The following CDH1 variants were observed in gnomAD, a reference collection of about 807,000 sequenced individuals.
CDH1 encodes cadherin-1.
CDH1 carries 35 observed loss-of-function variants against 84.5 expected under a neutral mutation model. The ratio of observed to expected loss-of-function variants is 0.41; its 90% CI spans 0.32 to 0.55. The LOEUF (loss-of-function observed/expected upper bound fraction) is 0.55, where lower values mean the gene tolerates loss of function less well. Ranked by LOEUF, CDH1 falls within the 20% of genes least tolerant of loss-of-function variation. The pLI, the probability that CDH1 is intolerant of heterozygous loss-of-function variation, is 0.19. For synonymous variants in CDH1, 417 were observed against 439.0 expected (o/e 0.95, Z 0.63); for missense variants, 994 against 1,126.6 (o/e 0.88, Z 1.68).
chr16:68,787,526 T>C (rs2152123069), intron 2 of CDH1, among the ~76,000 whole-genome samples: 1 of 152,110 alleles, frequency 6.6e-6, no homozygotes, highest in South Asian at 2.1e-4. Context: ...TTTTTTTAAA[T>C]AGAGATGGGA....
intron 13 of CDH1, 32 bp from the exon 14 acceptor site, chr16:68,828,142 C>A (rs774906969): frequency 6.2e-7 from 1 of 1,612,986 alleles, no homozygotes; most frequent in South Asian, 1.1e-5. Context: ...CTTTGGCTCT[C>A]AACACTTGCT....
intron 2 of CDH1, among the ~76,000 whole-genome samples, chr16:68,751,264 G>A (rs1402988848): frequency 6.6e-6 from 1 of 152,136 alleles, no homozygotes; most frequent in Non-Finnish European, 1.5e-5. Context: ...TTTGACTCAT[G>A]TACCTGGGGT....
intron 12 of CDH1, chr16:68,822,614 A>G (rs754538647): frequency 6.8e-4 from 302 of 443,688 alleles, no homozygotes; most frequent in Non-Finnish European, 1.2e-3. Context: ...GAACTATTCT[A>G]CCGAGGTGGA....
chr16:68,789,697 A>G (rs548686046), intron 2 of CDH1, among the ~76,000 whole-genome samples: 2 of 152,286 alleles, frequency 1.3e-5, no homozygotes, highest in Non-Finnish European at 2.9e-5. Context: ...CTTAGTTGCT[A>G]CTGCCCCAGC....
rs867786949 is a variant in CDH1 at position 68,745,613 on chromosome 16, A to G, written c.163+7202A>G. On this transcript the variant is annotated intron_variant, in intron 2 of 15. Transcript: ENST00000261769. ...TATGTGTATATATATGTATGTGTAT[A>G]TATATATATATATGTATATATATTT... Among the ~76,000 whole-genome samples the G allele has an allele frequency of 9.2e-3, 1,211 of 131,368 alleles. 27 individuals carry two copies. Among genetic ancestry groups the G allele is most frequent in the African/African-American group, 0.039 (1,137 of 29,462 alleles). The allele number at this position is 131,368 out of a possible 152,430, so 86.2% of individuals were successfully genotyped here.
intron 2 of CDH1, among the ~76,000 whole-genome samples, chr16:68,792,075 C>G (rs1197225212): frequency 6.6e-6 from 1 of 151,702 alleles, no homozygotes; most frequent in Non-Finnish European, 1.5e-5. Flanking sequence ...TGCCCACCAC[C>G]ATGCCCAGCT....
chr16:68,776,423 G>A (rs1024718471), intron 2 of CDH1, among the ~76,000 whole-genome samples: 1 of 152,152 alleles, frequency 6.6e-6, no homozygotes, highest in Non-Finnish European at 1.5e-5. Context: ...TGCACAGCAG[G>A]AGTCCAATAT....
intron 13 of CDH1, among the ~76,000 whole-genome samples, chr16:68,827,092 G>A (rs1351028095): frequency 6.6e-6 from 1 of 152,092 alleles, no homozygotes; most frequent in Non-Finnish European, 1.5e-5. Context: ...GCAACATAGT[G>A]AAACCCTGTC....
intron 2 of CDH1, among the ~76,000 whole-genome samples, chr16:68,796,228 C>T (rs1012094627): frequency 2.0e-5 from 3 of 152,038 alleles, no homozygotes; most frequent in Non-Finnish European, 4.4e-5. Context: ...GAAATGTGTT[C>T]TGATGAGAGG....
At chr16:68,740,965 A>G (rs1962547954) in intron 2 of CDH1, among the ~76,000 whole-genome samples, 1 of 151,776 alleles carries the variant, frequency 6.6e-6, no homozygotes, top group Non-Finnish European at 1.5e-5. Flanking sequence ...ACAAAGAAAA[A>G]AGGTGTTTGG....
Position 68,834,564 on chromosome 16 carries a change from C to T in CDH1, c.*1065C>T, listed in dbSNP as rs1961588705. 4.0e-6 allele frequency: 1 copy of T among 253,098 alleles called. No homozygotes were observed. Among genetic ancestry groups the T allele is most frequent in the South Asian group, 1.0e-4 (1 of 9,934 alleles). 15.7% of individuals were successfully genotyped at this position (253,098 alleles called of 1,614,324 possible). A position where few individuals can be genotyped will look rare whatever the true frequency, so the allele number is the denominator to read the frequency against. ...CACTCCTGAATTCAGTTGCTTTGCC[C>T]AAGATAGGAGTTCTCTGATGCAGAA... On this transcript the variant is annotated 3_prime_UTR_variant, in exon 16 of 16. Transcript: ENST00000261769.
At chr16:68,786,659 A>T (rs1960060332) in intron 2 of CDH1, among the ~76,000 whole-genome samples, 1 of 149,384 alleles carries the variant, frequency 6.7e-6, no homozygotes, top group Admixed American at 6.8e-5. Context: ...GCCAGAGTAG[A>T]TTCAGCAAAT....
At chr16:68,821,756 G>A (rs1961149508) in intron 11 of CDH1, among the ~76,000 whole-genome samples, 1 of 152,164 alleles carries the variant, frequency 6.6e-6, no homozygotes, top group African/African-American at 2.4e-5. Flanking sequence ...TTCTTGGTGT[G>A]AGGAATAACT....
At chr16:68,812,766 G>T (rs1241510740) in intron 8 of CDH1, among the ~76,000 whole-genome samples, 2 of 152,180 alleles carry the variant, frequency 1.3e-5, no homozygotes, top group African/African-American at 4.8e-5. Flanking sequence ...TAATGGCCAG[G>T]CGTGGTGGCT....
chr16:68,747,103 C>T (rs934841320), intron 2 of CDH1, among the ~76,000 whole-genome samples: 10 of 152,158 alleles, frequency 6.6e-5, no homozygotes, highest in African/African-American at 1.2e-4. Flanking sequence ...CAGGTAATTC[C>T]AGTAGGCTCC....
intron 15 of CDH1, among the ~76,000 whole-genome samples, 162 bp downstream of exon 15, chr16:68,829,959 CTTTTTTTTTTTT>C (rs35566564): frequency 1.9e-5 from 2 of 108,020 alleles, no homozygotes; most frequent in Admixed American, 1.9e-4. Flanking sequence ...TTTTCTTTTT[CTTTTTTTTTTTT>C]TTTGAGACGA....
intron 3 of CDH1, among the ~76,000 whole-genome samples, chr16:68,807,668 G>A (rs1960701070): frequency 1.3e-5 from 2 of 151,906 alleles, no homozygotes; most frequent in African/African-American, 4.8e-5. Flanking sequence ...CAGCCTGGGT[G>A]ACAGAGCAAG....
intron 11 of CDH1, among the ~76,000 whole-genome samples, chr16:68,821,199 G>A (rs1014851258): frequency 6.6e-6 from 1 of 151,996 alleles, no homozygotes; most frequent in Non-Finnish European, 1.5e-5. Context: ...TGGGCTGGGC[G>A]CAGTGGCTCA....
intron 2 of CDH1, among the ~76,000 whole-genome samples, chr16:68,795,651 T>A (rs1032466590): frequency 8.6e-5 from 13 of 151,862 alleles, no homozygotes; most frequent in Non-Finnish European, 1.5e-4. Flanking sequence ...CCCGCCACCA[T>A]GCCTGGCTAA....
Sources: allele counts gnomAD v4.1 joint callset (sites outside exome capture counted in the v4.1 genomes callset), GRCh38; gene constraint gnomAD v4.1.1; transcripts MANE v1.5; gene names NCBI Gene and HGNC (gene_info 2026-07-23, HGNC 2026-07-21).